CLTCL1: variants seen among roughly 807,000 people sequenced by gnomAD.
The protein encoded by CLTCL1 is clathrin heavy chain 2.
Under a neutral mutation model 190.0 loss-of-function variants are expected in CLTCL1, and 159 were observed. The observed-to-expected ratio is 0.84, with a 90% CI of 0.74 to 0.95. The LOEUF is 0.95. Among genes scored for constraint, CLTCL1 ranks in the 40% least tolerant of loss-of-function variants. The pLI is 0.00. For synonymous variants in CLTCL1, 752 were observed against 769.6 expected, an observed-to-expected ratio of 0.98 and a Z score of 0.38; for missense variants, 1,878 against 2,033.4, an observed-to-expected ratio of 0.92 and a Z score of 1.47.
intron 1 of CLTCL1, among the ~76,000 whole-genome samples, chr22:19,289,853 T>C (rs2088044547): frequency 6.6e-6 from 1 of 152,210 alleles, no homozygotes; most frequent in Admixed American, 6.5e-5. Context: ...CAGTTATGGC[T>C]TCAGTTTTCT....
intron 22 of CLTCL1, 114 bp downstream of exon 22, chr22:19,208,040 G>C: frequency 7.8e-7 from 1 of 1,285,444 alleles, no homozygotes; most frequent in Middle Eastern, 2.2e-4. Context: ...TGGAAAAACT[G>C]TCTTCGATGA....
chr22:19,285,887 G>A (rs1403729306), intron 1 of CLTCL1, among the ~76,000 whole-genome samples: 2 of 152,176 alleles, frequency 1.3e-5, no homozygotes, highest in Non-Finnish European at 2.9e-5. Flanking sequence ...CCTATGGGAG[G>A]ATCTTCAGTG....
At chr22:19,217,705 A>G (rs1206535) in intron 18 of CLTCL1, among the ~76,000 whole-genome samples, 9,237 of 144,718 alleles carry the variant, frequency 0.064, 337 homozygotes, top group Middle Eastern at 0.17. Flanking sequence ...AAAATTAGCC[A>G]GGCGTGGCGG....
At chr22:19,246,182 C>T (rs2086411525) in intron 3 of CLTCL1, among the ~76,000 whole-genome samples, 1 of 151,994 alleles carries the variant, frequency 6.6e-6, no homozygotes, top group African/African-American at 2.4e-5. Context: ...GCCTCAGCCT[C>T]CCAAGTAGCT....
chr22:19,278,079 G>A lies in CLTCL1; in HGVS notation c.43-2249C>T, dbSNP rs781878822. Among the ~76,000 whole-genome samples the A allele has an allele frequency of 4.6e-5, 7 of 152,090 alleles. No individual in the cohort carries two copies. The South Asian group carries it at 8.3e-4, about 18-fold the overall frequency. Reference sequence around the variant, plus strand: ...ATGGAAGAGGCGCATAGAGAAAGGCGCGAGGGGTGTCCTTGCCTCTCCCAG... The same window carrying A: ...ATGGAAGAGGCGCATAGAGAAAGGCACGAGGGGTGTCCTTGCCTCTCCCAG... On this transcript the variant is annotated intron_variant, in intron 1 of 32. Coordinates refer to ENST00000427926, the MANE Select transcript of CLTCL1 (RefSeq NM_007098.4).
At chr22:19,270,308 C>T (rs1240201578) in intron 2 of CLTCL1, among the ~76,000 whole-genome samples, 1 of 151,924 alleles carries the variant, frequency 6.6e-6, no homozygotes, top group Non-Finnish European at 1.5e-5. Context: ...TGCCTCGGGC[C>T]GGGAGTAGGA....
intron 2 of CLTCL1, among the ~76,000 whole-genome samples, chr22:19,255,836 G>C (rs1037489150): frequency 1.3e-5 from 2 of 151,578 alleles, no homozygotes; most frequent in African/African-American, 4.9e-5. Context: ...CTTGAGCCTG[G>C]GAGGCGGAGG....
At chr22:19,212,646 AAAAAGAAAGAAAGAAAG>A (rs1482906084) in intron 19 of CLTCL1, among the ~76,000 whole-genome samples, 1 of 149,290 alleles carries the variant, frequency 6.7e-6, no homozygotes, top group African/African-American at 2.5e-5. Flanking sequence ...AAGAGAAAGA[AAAAAGAAAGAAAGAAAG>A]AAAAGAAAGA....
chr22:19,284,280 T>A (rs2087824368), intron 1 of CLTCL1, among the ~76,000 whole-genome samples: 1 of 152,250 alleles, frequency 6.6e-6, no homozygotes, highest in Non-Finnish European at 1.5e-5. Flanking sequence ...GCTTTATCCT[T>A]GTGCCTAGCA....
rs75275791 is a variant in CLTCL1, at chr22:19,230,163, C to T, written c.1645-188G>A. ...CCAGGCTAGACTGCAAAGGCACAAT[C>T]TCAGCTCACTCCAATCTCTGCCCTC... On this transcript the variant is annotated intron_variant, in intron 10 of 32. Coordinates refer to ENST00000427926, the MANE Select transcript of CLTCL1 (RefSeq NM_007098.4). 4.1e-3 allele frequency among the ~76,000 whole-genome samples: 590 copies of T among 145,254 alleles called. 8 individuals are homozygous for T. The highest frequency in any genetic ancestry group is 0.015 in the African/African-American group (562 of 38,664).
intron 3 of CLTCL1, among the ~76,000 whole-genome samples, chr22:19,247,639 C>A (rs957951602): frequency 2.0e-5 from 3 of 151,974 alleles, no homozygotes; most frequent in Non-Finnish European, 4.4e-5. Context: ...CGGCTCACTG[C>A]AACCTCTGCA....
In CLTCL1 at chr22:19,237,958, A is replaced by G. The variant is rs117072294; in HGVS notation, c.795+1317T>C. Among the ~76,000 whole-genome samples, 342 of 152,380 alleles carry G rather than the reference A, an allele frequency of 2.2e-3. 11 individuals carry two copies. The East Asian group carries it at 0.058, about 26-fold the overall frequency. On this transcript the variant is annotated intron_variant, in intron 5 of 32. Transcript: ENST00000427926. Reference sequence around the variant, plus strand: ...ATAACATATATTTTATGAGAACAAAAGAGTAAAAAGGAGAGTAGATTATAT... The same window carrying G: ...ATAACATATATTTTATGAGAACAAAGGAGTAAAAAGGAGAGTAGATTATAT...
rs782304304 is a variant in CLTCL1, at chr22:19,221,508, T to C, written c.2665A>G (p.Ser889Gly). The C allele has an allele frequency of 1.2e-5, 19 of 1,603,720 alleles. No individual in the cohort carries two copies. The highest frequency in any genetic ancestry group is 1.5e-5 in the Non-Finnish European group (18 of 1,174,980). The change falls in exon 17 of 33, where the codon AGC becomes GGC. Residue 889 changes from serine to glycine, a missense_variant. By Grantham distance (56) the Ser-to-Gly change is moderately conservative. Transcript: ENST00000427926. ...LAKIYIDSNN[S>G]PECFLRENAY... ...TTCTCTCTCAGGAAGCACTCGGGGC[T>C]GTTGTTGCTGTCGATGTAGATTTTA...
intron 1 of CLTCL1, among the ~76,000 whole-genome samples, chr22:19,288,718 A>G (rs1017070622): frequency 1.1e-4 from 16 of 152,242 alleles, no homozygotes; most frequent in Admixed American, 1.0e-3. Context: ...ATGGCTTGGG[A>G]ACATCAAGCT....
At chr22:19,192,303 G>A (rs2146256438) in intron 26 of CLTCL1, among the ~76,000 whole-genome samples, 1 of 152,228 alleles carries the variant, frequency 6.6e-6, no homozygotes, top group Admixed American at 6.5e-5. Context: ...CTGACCTCGT[G>A]ATCTCCCCAC....
At chr22:19,283,725 C>T (rs1422670743) in intron 1 of CLTCL1, among the ~76,000 whole-genome samples, 1 of 151,974 alleles carries the variant, frequency 6.6e-6, no homozygotes, top group African/African-American at 2.4e-5. Context: ...GACATGGTGG[C>T]TCATGCCTGT....
chr22:19,224,964 T>C (rs184018832), intron 13 of CLTCL1, among the ~76,000 whole-genome samples: 1 of 152,222 alleles, frequency 6.6e-6, no homozygotes, highest in East Asian at 1.9e-4. Flanking sequence ...TTTTTTGGTG[T>C]GATGTCCAAG....
At chr22:19,285,688 T>A (rs1184372900) in intron 1 of CLTCL1, among the ~76,000 whole-genome samples, 4 of 151,816 alleles carry the variant, frequency 2.6e-5, no homozygotes, top group Non-Finnish European at 5.9e-5. Flanking sequence ...TCAAGAGAAG[T>A]GGAAGAAAAT....
intron 7 of CLTCL1, among the ~76,000 whole-genome samples, chr22:19,234,171 A>C (rs2086004135): frequency 1.3e-5 from 2 of 152,234 alleles, no homozygotes; most frequent in Admixed American, 1.3e-4. Context: ...AACAGGGAAC[A>C]ACCACTTGAT....
Sources: gnomAD v4.1 joint callset for allele counts (sites outside exome capture counted in the v4.1 genomes callset) on GRCh38, gnomAD v4.1.1 for gene constraint, MANE v1.5 for transcripts, NCBI Gene and HGNC (gene_info 2026-07-23, HGNC 2026-07-21) for gene names.